The following SPAG16 variants were observed in gnomAD, a reference collection of about 807,000 sequenced individuals.
The protein encoded by SPAG16 is sperm-associated antigen 16 protein.
A neutral mutation model predicts 80.4 loss-of-function variants in SPAG16; 86 were observed. That is an observed-to-expected ratio of 1.07 (90% CI 0.90 to 1.28). The LOEUF (loss-of-function observed/expected upper bound fraction) is 1.28, where lower values mean the gene tolerates loss of function less well. Ranked by LOEUF, SPAG16 falls within the 50% of genes most tolerant of loss-of-function variation. SPAG16 has a pLI of 0.00. For missense variants in SPAG16, 870 were observed against 765.3 expected (o/e 1.14, Z -1.61); for synonymous variants, 294 against 265.9 (o/e 1.11, Z -1.03).
chr2:214,392,082 G>C (rs1701112255), intron 15 of SPAG16, among the ~76,000 whole-genome samples: 1 of 152,120 alleles, frequency 6.6e-6, no homozygotes, highest in Admixed American at 6.5e-5. Flanking sequence ...AAATTGAATA[G>C]AACCCAAAGA....
chr2:214,108,480 C>CACACACACACACA (rs56781283), intron 14 of SPAG16, among the ~76,000 whole-genome samples: 860 of 52,506 alleles, frequency 0.016, 14 homozygotes, highest in African/African-American at 0.037. Context: ...CACACACACA[C>CACACACACACACA]CCCCACACAC....
intron 9 of SPAG16, among the ~76,000 whole-genome samples, chr2:213,434,568 C>T (rs2070509258): frequency 6.6e-6 from 1 of 152,122 alleles, no homozygotes; most frequent in African/African-American, 2.4e-5. Context: ...GCAAACTATG[C>T]ATCTGATAGG....
intron 10 of SPAG16, among the ~76,000 whole-genome samples, chr2:213,576,128 G>A (rs1249935903): frequency 1.3e-5 from 2 of 152,150 alleles, no homozygotes; most frequent in Admixed American, 6.6e-5. Flanking sequence ...TCCTGTTTCA[G>A]TCTTCTGCAT....
intron 13 of SPAG16, 79 bp from the exon 14 acceptor site, chr2:214,108,117 A>C: frequency 8.7e-7 from 1 of 1,145,790 alleles, no homozygotes; most frequent in South Asian, 1.5e-5. Context: ...AATTACTTTA[A>C]AACTTAAAAG....
At chr2:213,722,172 A>G (rs1834775) in intron 10 of SPAG16, among the ~76,000 whole-genome samples, 3,685 of 152,300 alleles carry the variant, frequency 0.024, 151 homozygotes, top group African/African-American at 0.083. Flanking sequence ...TGGGAGAAAT[A>G]AGGTTAGATA....
chr2:213,834,360 G>A (rs1325731569), intron 10 of SPAG16, among the ~76,000 whole-genome samples: 1 of 152,190 alleles, frequency 6.6e-6, no homozygotes, highest in African/African-American at 2.4e-5. Context: ...AGGGAAAATG[G>A]TGTGTTTTTA....
intron 10 of SPAG16, among the ~76,000 whole-genome samples, chr2:213,578,689 T>C (rs924042364): frequency 1.3e-5 from 2 of 152,066 alleles, no homozygotes; most frequent in Non-Finnish European, 2.9e-5. Context: ...GACTCAGGGA[T>C]AGAGTCAAGG....
chr2:214,058,261 C>A (rs1447490885), intron 13 of SPAG16, among the ~76,000 whole-genome samples: 1 of 152,084 alleles, frequency 6.6e-6, no homozygotes, highest in Non-Finnish European at 1.5e-5. Flanking sequence ...GTGACTCTTC[C>A]TTTTAACTTG....
chr2:213,447,452 G>A (rs2071399149), intron 9 of SPAG16, among the ~76,000 whole-genome samples: 1 of 152,166 alleles, frequency 6.6e-6, no homozygotes, highest in East Asian at 1.9e-4. Flanking sequence ...TGAACCCCAT[G>A]ATAAATCCCC....
intron 9 of SPAG16, among the ~76,000 whole-genome samples, chr2:213,464,065 G>A (rs1360928308): frequency 6.6e-6 from 1 of 152,160 alleles, no homozygotes; most frequent in Admixed American, 6.5e-5. Flanking sequence ...ATGGGTTTGG[G>A]CCTTTGACAT....
At chr2:214,018,466 C>T (rs2047698329) in intron 13 of SPAG16, among the ~76,000 whole-genome samples, 1 of 151,946 alleles carries the variant, frequency 6.6e-6, no homozygotes, top group African/African-American at 2.4e-5. Context: ...AAAAGGGTAA[C>T]CAGATTAGCT....
chr2:213,350,494 C>A, intron 6 of SPAG16, 34 bp from the exon 7 acceptor site: 3 of 1,151,210 alleles, frequency 2.6e-6, no homozygotes, highest in South Asian at 1.7e-5. Context: ...AACTCAATAA[C>A]CCCTTAAGAT....
intron 5 of SPAG16, among the ~76,000 whole-genome samples, chr2:213,318,859 T>G (rs1279287855): frequency 6.6e-6 from 1 of 151,938 alleles, no homozygotes; most frequent in Non-Finnish European, 1.5e-5. Flanking sequence ...GAAAATAAAT[T>G]TTCTTCTAAC....
At chr2:213,305,783 T>A (rs2062916995) in intron 3 of SPAG16, among the ~76,000 whole-genome samples, 2 of 152,164 alleles carry the variant, frequency 1.3e-5, no homozygotes, top group South Asian at 2.1e-4. Flanking sequence ...GGATTTTGCA[T>A]CTATGTTCAT....
chr2:213,788,402 T>C (rs2070477042), intron 10 of SPAG16, among the ~76,000 whole-genome samples: 1 of 151,950 alleles, frequency 6.6e-6, no homozygotes, highest in African/African-American at 2.4e-5. Flanking sequence ...AAACTTATGC[T>C]AAGCTATTGG....
intron 15 of SPAG16, among the ~76,000 whole-genome samples, chr2:214,164,106 T>C (rs2056558960): frequency 6.6e-6 from 1 of 152,252 alleles, no homozygotes; most frequent in Middle Eastern, 3.4e-3. Context: ...ATGATCTTAT[T>C]TCTTTCAGGA....
intron 10 of SPAG16, among the ~76,000 whole-genome samples, chr2:213,671,231 A>G (rs2063801340): frequency 6.6e-6 from 1 of 152,242 alleles, no homozygotes. Flanking sequence ...TTTATAAATA[A>G]GTCGATTTAA....
chr2:213,412,269 C>G (rs1427790499), intron 9 of SPAG16, among the ~76,000 whole-genome samples: 2 of 152,160 alleles, frequency 1.3e-5, no homozygotes, highest in Non-Finnish European at 2.9e-5. Flanking sequence ...ATTAGTTTAA[C>G]CTGTGTGGTC....
At chr2:214,309,928 G>A (rs1039881758) in intron 15 of SPAG16, among the ~76,000 whole-genome samples, 22 of 152,164 alleles carry the variant, frequency 1.4e-4, no homozygotes, top group African/African-American at 5.1e-4. Flanking sequence ...TGCACTAGAG[G>A]TGATGTTGGC....
Sources: allele counts gnomAD v4.1 joint callset (sites outside exome capture counted in the v4.1 genomes callset), GRCh38; gene constraint gnomAD v4.1.1; transcripts MANE v1.5; gene names NCBI Gene and HGNC (gene_info 2026-07-23, HGNC 2026-07-21).